PSD3: variants seen among roughly 807,000 people sequenced by gnomAD.
The protein encoded by PSD3 is PH and SEC7 domain-containing protein 3.
Under a neutral mutation model 105.5 loss-of-function variants are expected in PSD3, and 49 were observed. That is an observed-to-expected ratio of 0.46 (90% CI 0.37 to 0.59). The LOEUF (loss-of-function observed/expected upper bound fraction) is 0.59, where lower values mean the gene tolerates loss of function less well. PSD3 is among the 20% of genes least tolerant of loss of function. The pLI, the probability that PSD3 is intolerant of heterozygous loss-of-function variation, is 0.00. For missense variants in PSD3, 1,561 were observed against 1,263.8 expected (o/e 1.24, Z -3.57); for synonymous variants, 557 against 457.8 (o/e 1.22, Z -2.77).
chr8:18,988,634 T>C lies in PSD3; in HGVS notation c.21+24929A>G, dbSNP rs1190677158. ...AATGCCAAGCTCCTCCAGAGCTCTA[T>C]TTCCAATCACACTACTTAAGCCATT... On this transcript the variant is annotated intron_variant, in intron 1 of 15. Transcript: ENST00000327040. Among the ~76,000 whole-genome samples, 4 of 152,172 alleles carry C rather than the reference T, an allele frequency of 2.6e-5. No individual in the cohort carries two copies. The East Asian group carries it at 7.7e-4, about 29-fold the overall frequency.
At chr8:18,632,269 A>G (rs111639852) in intron 11 of PSD3, among the ~76,000 whole-genome samples, 41 of 152,200 alleles carry the variant, frequency 2.7e-4, no homozygotes, top group African/African-American at 9.6e-4. Context: ...TGTAAACTTC[A>G]TGAAGACAGA....
At chr8:18,702,631 GA>G (rs1343742354) in intron 9 of PSD3, among the ~76,000 whole-genome samples, 1 of 145,608 alleles carries the variant, frequency 6.9e-6, no homozygotes, top group African/African-American at 2.6e-5. Context: ...TTCTTTTTTT[GA>G]GATGGAATCT....
intron 1 of PSD3, among the ~76,000 whole-genome samples, chr8:18,977,020 T>C (rs1354592288): frequency 1.3e-5 from 2 of 152,074 alleles, no homozygotes; most frequent in Non-Finnish European, 2.9e-5. Flanking sequence ...TGAGTGTGGT[T>C]AAGAAATGGT....
chr8:18,994,522 G>A (rs7000167), intron 1 of PSD3, among the ~76,000 whole-genome samples: 18,206 of 151,968 alleles, frequency 0.12, 2,029 homozygotes, highest in African/African-American at 0.28. Flanking sequence ...TGTCTAATAC[G>A]ACAGTCACAT....
intron 2 of PSD3, among the ~76,000 whole-genome samples, chr8:18,908,661 A>T (rs1820000332): frequency 6.6e-6 from 1 of 152,182 alleles, no homozygotes; most frequent in Non-Finnish European, 1.5e-5. Flanking sequence ...GAAACAAGTC[A>T]TCTGTTCATG....
At chr8:18,700,656 T>G (rs576138286) in intron 9 of PSD3, among the ~76,000 whole-genome samples, 36 of 152,342 alleles carry the variant, frequency 2.4e-4, no homozygotes, top group African/African-American at 8.4e-4. Context: ...CAAACACCAA[T>G]GGGTTTCACA....
intron 1 of PSD3, among the ~76,000 whole-genome samples, chr8:18,994,046 C>T (rs1011013379): frequency 6.6e-6 from 1 of 151,888 alleles, no homozygotes; most frequent in Non-Finnish European, 1.5e-5. Context: ...GACTAGAGTT[C>T]CGTATCCTAG....
At chr8:18,652,837 T>C (rs564031582) in intron 10 of PSD3, among the ~76,000 whole-genome samples, 3 of 152,264 alleles carry the variant, frequency 2.0e-5, no homozygotes, top group Non-Finnish European at 2.9e-5. Flanking sequence ...CACTGATAGA[T>C]GTCAGTGTTC....
In PSD3 at chr8:18,736,412, T is replaced by C. The variant is rs17127139; in HGVS notation, c.2172+29037A>G. On this transcript the variant is annotated intron_variant, in intron 9 of 15. Coordinates refer to ENST00000327040, the MANE Select transcript of PSD3 (RefSeq NM_015310.4). ...CTGGCACACCATGAAAATTTTTAAA[T>C]GCTGGGAATTTTATCATCAACTGTG... Among the ~76,000 whole-genome samples the C allele has an allele frequency of 1.8e-3, 269 of 152,316 alleles. 1 individual carries two copies. Among genetic ancestry groups the C allele is most frequent in the African/African-American group, 6.1e-3 (255 of 41,586 alleles).
At chr8:18,862,198 C>T (rs1445415325) in intron 4 of PSD3, among the ~76,000 whole-genome samples, 1 of 152,090 alleles carries the variant, frequency 6.6e-6, no homozygotes, top group Non-Finnish European at 1.5e-5. Flanking sequence ...CCTCCTCCTT[C>T]CTCCTTTACG....
chr8:18,616,139 G>A (rs1294211182), intron 11 of PSD3, among the ~76,000 whole-genome samples: 3 of 152,232 alleles, frequency 2.0e-5, no homozygotes, highest in Admixed American at 1.3e-4. Context: ...TACCACTCAC[G>A]CGCAGGAGCC....
intron 8 of PSD3, among the ~76,000 whole-genome samples, chr8:18,776,675 C>T (rs1350196779): frequency 6.6e-6 from 1 of 152,148 alleles, no homozygotes; most frequent in Admixed American, 6.5e-5. Flanking sequence ...CGCATCTGGC[C>T]TGGTTCTTCT....
At chr8:18,816,215 ACT>A (rs1812212344) in intron 4 of PSD3, among the ~76,000 whole-genome samples, 1 of 152,198 alleles carries the variant, frequency 6.6e-6, no homozygotes, top group African/African-American at 2.4e-5. Context: ...CAGAATGTTT[ACT>A]CTGTTTAATA....
chr8:18,948,028 G>A (rs573608694), intron 1 of PSD3, among the ~76,000 whole-genome samples: 1 of 152,172 alleles, frequency 6.6e-6, no homozygotes, highest in Non-Finnish European at 1.5e-5. Flanking sequence ...CGACTATTAT[G>A]AGTTCACAGC....
chr8:19,019,199 A>G (rs986927381), intron 1 of PSD3, among the ~76,000 whole-genome samples: 2 of 152,228 alleles, frequency 1.3e-5, no homozygotes, highest in African/African-American at 4.8e-5. Context: ...ATGAAAACAG[A>G]TGAGTTCCCC....
At chr8:18,989,148 G>T (rs1825659958) in intron 1 of PSD3, 1 of 152,208 alleles carries the variant, frequency 6.6e-6, no homozygotes. Flanking sequence ...AAAAACACAA[G>T]GTAGCGGGGC....
chr8:18,776,808 C>G (rs960826212), intron 8 of PSD3, among the ~76,000 whole-genome samples: 2 of 152,108 alleles, frequency 1.3e-5, no homozygotes, highest in African/African-American at 4.8e-5. Context: ...TTTTTTCTTT[C>G]TTCAAAGTTC....
intron 15 of PSD3, among the ~76,000 whole-genome samples, chr8:18,547,240 TGC>T (rs1337076318): frequency 2.0e-5 from 3 of 152,086 alleles, no homozygotes; most frequent in African/African-American, 7.2e-5. Flanking sequence ...TTCAAGGTGG[TGC>T]CATATCATGG....
rs557707971 is a variant in PSD3 at position 18,621,146 on chromosome 8, G to A, written c.2410+11467C>T. 5.3e-5 allele frequency among the ~76,000 whole-genome samples: 8 copies of A among 152,180 alleles called. No homozygotes were observed. The East Asian group carries it at 1.5e-3, about 29-fold the overall frequency. On this transcript the variant is annotated intron_variant, in intron 11 of 15. Coordinates refer to ENST00000327040, the MANE Select transcript of PSD3 (RefSeq NM_015310.4). ...CTTCCAGCCAGGCACGGTGGCTCAC[G>A]CCTGCAATCCCAGCACTTCGGGAGG...
Sources: gnomAD v4.1 joint callset for allele counts (sites outside exome capture counted in the v4.1 genomes callset) on GRCh38, gnomAD v4.1.1 for gene constraint, MANE v1.5 for transcripts, NCBI Gene and HGNC (gene_info 2026-07-23, HGNC 2026-07-21) for gene names.